The following FHIT variants were observed in gnomAD, a reference collection of about 807,000 sequenced individuals.
FHIT encodes bis(5'-adenosyl)-triphosphatase.
A neutral mutation model predicts 17.9 loss-of-function variants in FHIT; 19 were observed. The ratio of observed to expected loss-of-function variants is 1.06; its 90% CI spans 0.74 to 1.56. The LOEUF (loss-of-function observed/expected upper bound fraction) is 1.56, where lower values mean the gene tolerates loss of function less well. Among genes scored for constraint, FHIT ranks in the 40% most tolerant of loss-of-function variants. The probability of loss-of-function intolerance (pLI) is 0.00; values close to 1 mark genes in which losing one functional copy is unlikely to be tolerated. For synonymous variants in FHIT, 81 were observed against 69.7 expected (o/e 1.16, Z -0.81); for missense variants, 248 against 189.2 (o/e 1.31, Z -1.82).
At chr3:60,100,392 A>C (rs1704141379) in intron 5 of FHIT, among the ~76,000 whole-genome samples, 1 of 152,206 alleles carries the variant, frequency 6.6e-6, no homozygotes, top group South Asian at 2.1e-4. Flanking sequence ...TCAAAAAAAA[A>C]AATTGTGATT....
At chr3:59,958,708 C>T (rs1707523834) in intron 7 of FHIT, among the ~76,000 whole-genome samples, 2 of 152,172 alleles carry the variant, frequency 1.3e-5, no homozygotes, top group African/African-American at 4.8e-5. Context: ...TAGATGGCCG[C>T]TATGTAATTT....
chr3:60,696,266 T>A (rs1314689135), intron 4 of FHIT, among the ~76,000 whole-genome samples: 1 of 152,168 alleles, frequency 6.6e-6, no homozygotes, highest in Non-Finnish European at 1.5e-5. Context: ...AGTTTTAAGG[T>A]TCCTTCTAGA....
chr3:60,922,173 C>T (rs1707320660), intron 3 of FHIT, among the ~76,000 whole-genome samples: 1 of 152,152 alleles, frequency 6.6e-6, no homozygotes, highest in South Asian at 2.1e-4. Context: ...GAAGGACTGC[C>T]TATAGAATTT....
chr3:61,212,075 A>T (rs1011143247), intron 1 of FHIT, among the ~76,000 whole-genome samples: 2 of 152,242 alleles, frequency 1.3e-5, no homozygotes, highest in African/African-American at 4.8e-5. Context: ...AAAAACTGGA[A>T]ACTCTAAAAA....
Position 59,952,749 on chromosome 3 carries a change from G to GT in FHIT, c.280-30336dup, listed in dbSNP as rs536067414. On this transcript the variant is annotated intron_variant, in intron 7 of 9. Coordinates refer to ENST00000492590, the MANE Select transcript of FHIT (RefSeq NM_002012.4). ...TTCTTTTTCTTGGAACCAAGCGCTG[G>GT]TTCTGCATTTGAACACAAGTTGGAG... Among the ~76,000 whole-genome samples, 24 of 152,282 alleles carry GT rather than the reference G, an allele frequency of 1.6e-4. 2 individuals carry two copies. Among genetic ancestry groups the GT allele is most frequent in the African/African-American group, 5.8e-4 (24 of 41,560 alleles).
intron 5 of FHIT, among the ~76,000 whole-genome samples, chr3:60,199,730 G>A (rs528229436): frequency 2.3e-4 from 35 of 152,164 alleles, no homozygotes; most frequent in African/African-American, 7.5e-4. Flanking sequence ...AAGACTATTA[G>A]AAAGATTTTT....
intron 5 of FHIT, among the ~76,000 whole-genome samples, chr3:60,175,352 C>T (rs978230287): frequency 1.3e-5 from 2 of 152,044 alleles, no homozygotes; most frequent in Non-Finnish European, 2.9e-5. Context: ...GGGTGAACCC[C>T]CTGCTATTAG....
At chr3:60,315,422 C>G (rs1709121213) in intron 5 of FHIT, among the ~76,000 whole-genome samples, 1 of 152,098 alleles carries the variant, frequency 6.6e-6, no homozygotes, top group Non-Finnish European at 1.5e-5. Flanking sequence ...CTGACCCTAC[C>G]CAGACATTTC....
At chr3:61,006,634 C>T (rs1007268872) in intron 3 of FHIT, among the ~76,000 whole-genome samples, 2 of 149,164 alleles carry the variant, frequency 1.3e-5, no homozygotes, top group Non-Finnish European at 3.0e-5. Context: ...CAATTAACTG[C>T]ATTTGGAGAA....
intron 5 of FHIT, among the ~76,000 whole-genome samples, chr3:60,451,246 T>C (rs1014977026): frequency 6.6e-6 from 1 of 152,078 alleles, no homozygotes; most frequent in Non-Finnish European, 1.5e-5. Context: ...CTTTACCCTT[T>C]TGCTTTTTGG....
At chr3:60,057,313 A>G (rs1702120885) in intron 5 of FHIT, among the ~76,000 whole-genome samples, 1 of 152,172 alleles carries the variant, frequency 6.6e-6, no homozygotes, top group African/African-American at 2.4e-5. Context: ...TACTAGTAAA[A>G]TCTGGAATGT....
At chr3:59,968,534 T>A (rs1708036405) in intron 7 of FHIT, among the ~76,000 whole-genome samples, 1 of 152,128 alleles carries the variant, frequency 6.6e-6, no homozygotes, top group Admixed American at 6.6e-5. Context: ...GAAATAAACC[T>A]TCATCTCCCG....
At chr3:60,858,194 C>G (rs1553750471) in intron 3 of FHIT, among the ~76,000 whole-genome samples, 1 of 152,072 alleles carries the variant, frequency 6.6e-6, no homozygotes, top group Non-Finnish European at 1.5e-5. Context: ...AGTGCAGATT[C>G]TCTTGTAAGC....
chr3:60,315,169 A>C (rs1338214578), intron 5 of FHIT, among the ~76,000 whole-genome samples: 2 of 152,126 alleles, frequency 1.3e-5, no homozygotes, highest in Non-Finnish European at 2.9e-5. Context: ...GACATTAATG[A>C]ACTGCAGTAA....
intron 4 of FHIT, among the ~76,000 whole-genome samples, chr3:60,737,185 C>T (rs977514683): frequency 7.9e-5 from 12 of 152,310 alleles, no homozygotes; most frequent in Admixed American, 5.2e-4. Context: ...GTATCAATCT[C>T]CCATGAAACA....
intron 5 of FHIT, among the ~76,000 whole-genome samples, chr3:60,188,831 T>A (rs2107461474): frequency 6.6e-6 from 1 of 152,268 alleles, no homozygotes; most frequent in East Asian, 1.9e-4. Context: ...GAATGCAGAA[T>A]TTCAAAATGA....
chr3:60,575,753 T>C (rs2037542691), intron 4 of FHIT, among the ~76,000 whole-genome samples: 1 of 151,900 alleles, frequency 6.6e-6, no homozygotes, highest in Non-Finnish European at 1.5e-5. Context: ...CATCAGAAAA[T>C]AGAATTTTAT....
intron 5 of FHIT, among the ~76,000 whole-genome samples, chr3:60,323,848 G>C (rs1709544254): frequency 6.6e-6 from 1 of 152,194 alleles, no homozygotes; most frequent in African/African-American, 2.4e-5. Context: ...CTCTGAGCCT[G>C]GGGCCTGCCC....
At chr3:60,458,928 A>T (rs2032287090) in intron 5 of FHIT, among the ~76,000 whole-genome samples, 2 of 148,040 alleles carry the variant, frequency 1.4e-5, no homozygotes, top group Admixed American at 6.7e-5. Flanking sequence ...AATGTACACC[A>T]CCACACCTGG....
Sources: allele counts gnomAD v4.1 joint callset (sites outside exome capture counted in the v4.1 genomes callset), GRCh38; gene constraint gnomAD v4.1.1; transcripts MANE v1.5; gene names NCBI Gene and HGNC (gene_info 2026-07-23, HGNC 2026-07-21).